PDE1A: variants seen among roughly 807,000 people sequenced by gnomAD.
PDE1A encodes phosphodiesterase 1A.
Under a neutral mutation model 61.7 loss-of-function variants are expected in PDE1A, and 35 were observed. That is an observed-to-expected ratio of 0.57 (90% CI 0.43 to 0.75). The LOEUF (loss-of-function observed/expected upper bound fraction) is 0.75, where lower values mean the gene tolerates loss of function less well. Ranked by LOEUF, PDE1A falls within the 30% of genes least tolerant of loss-of-function variation. The pLI, the probability that PDE1A is intolerant of heterozygous loss-of-function variation, is 0.00. For synonymous variants in PDE1A, 232 were observed against 213.2 expected (o/e 1.09, Z -0.77); for missense variants, 597 against 630.6 (o/e 0.95, Z 0.57).
At chr2:182,257,566 G>A (rs138314306) in intron 2 of PDE1A, among the ~76,000 whole-genome samples, 48 of 152,300 alleles carry the variant, frequency 3.2e-4, no homozygotes, top group African/African-American at 1.0e-3. Context: ...TCTTCACCAT[G>A]AGCACAGCTG....
the PDE1A span, among the ~76,000 whole-genome samples, chr2:182,574,779 C>T: frequency 5.9e-5 from 9 of 152,124 alleles, no homozygotes; most frequent in African/African-American, 1.7e-4. Flanking sequence ...GTAAGCTCTG[C>T]CTCCAGTTTC....
In PDE1A at chr2:182,384,458, A is replaced by AAATAATAATAAT. The variant is rs112896044; in HGVS notation, c.53+42108_53+42119dup. 9.3e-3 allele frequency among the ~76,000 whole-genome samples: 1,319 copies of AAATAATAATAAT among 141,894 alleles called. 11 individuals are homozygous for AAATAATAATAAT. The highest frequency in any genetic ancestry group is 0.038 in the South Asian group (176 of 4,586). 93.1% of individuals were successfully genotyped at this position (141,894 alleles called of 152,430 possible). A position where few individuals can be genotyped will look rare whatever the true frequency, so the allele number is the denominator to read the frequency against. ...CAAAAAGCAAAATTTAATAAAGAGA[A>AAATAATAATAAT]AATAATAATAATAATAATAATAATA... On this transcript the variant is annotated intron_variant, in intron 1 of 13. Transcript: ENST00000351439.
chr2:182,651,768 A>G, the PDE1A span, among the ~76,000 whole-genome samples: 1 of 152,222 alleles, frequency 6.6e-6, no homozygotes, highest in Non-Finnish European at 1.5e-5. Flanking sequence ...GTGCATTAAC[A>G]TACACTGATT....
chr2:182,616,856 G>C, the PDE1A span, among the ~76,000 whole-genome samples: 1 of 152,198 alleles, frequency 6.6e-6, no homozygotes, highest in African/African-American at 2.4e-5. Context: ...CCCTGTGTAA[G>C]CCTAATGTGC....
the PDE1A span, among the ~76,000 whole-genome samples, chr2:182,557,218 C>A: frequency 6.6e-6 from 1 of 151,964 alleles, no homozygotes; most frequent in Non-Finnish European, 1.5e-5. Flanking sequence ...TGCACTCCAG[C>A]CTGGGTGACA....
chr2:182,316,851 T>C (rs1696369275), intron 1 of PDE1A, among the ~76,000 whole-genome samples: 1 of 152,196 alleles, frequency 6.6e-6, no homozygotes. Flanking sequence ...TGGATATGTG[T>C]TGGCTTAGTA....
At chr2:182,197,443 C>T (rs1361159657) in intron 10 of PDE1A, among the ~76,000 whole-genome samples, 1 of 147,772 alleles carries the variant, frequency 6.8e-6, no homozygotes, top group Non-Finnish European at 1.5e-5. Flanking sequence ...ATGGGTAATG[C>T]TTTATGTGTC....
At chr2:182,425,624 T>C (rs1387593703) in intron 1 of PDE1A, among the ~76,000 whole-genome samples, 1 of 152,202 alleles carries the variant, frequency 6.6e-6, no homozygotes, top group East Asian at 1.9e-4. Flanking sequence ...TATATAATTA[T>C]ATTCCTCGAG....
rs183356790 is a variant in PDE1A, at chr2:182,264,475, A to T, written c.54-61T>A. 45 of 1,155,752 alleles carry T rather than the reference A, an allele frequency of 3.9e-5. No homozygotes were observed. In the Middle Eastern group the frequency reaches 1.2e-3, roughly 30 times the overall value. The allele number at this position is 1,155,752 out of a possible 1,614,324, so 71.6% of individuals were successfully genotyped here. A position where few individuals can be genotyped will look rare whatever the true frequency, so the allele number is the denominator to read the frequency against. ...AGGAATTTATTGTAACTATATGGAAAATAGTACAGTATTAAATACACTCAG... is the reference window on the plus strand; with the variant it reads ...AGGAATTTATTGTAACTATATGGAATATAGTACAGTATTAAATACACTCAG... On this transcript the variant is annotated intron_variant, in intron 1 of 13. Coordinates refer to ENST00000351439, the Ensembl canonical transcript of PDE1A.
At chr2:182,371,062 T>C (rs1700103311) in intron 1 of PDE1A, among the ~76,000 whole-genome samples, 1 of 152,180 alleles carries the variant, frequency 6.6e-6, no homozygotes, top group Admixed American at 6.5e-5. Context: ...AGGTATAGGC[T>C]AGGCAGAAAA....
the PDE1A span, among the ~76,000 whole-genome samples, chr2:182,562,012 T>C: frequency 6.6e-6 from 1 of 151,328 alleles, no homozygotes; most frequent in African/African-American, 2.4e-5. Flanking sequence ...ACAGGGACAA[T>C]TTGACTTCCT....
At chr2:182,575,711 CTA>C in the PDE1A span, among the ~76,000 whole-genome samples, 6 of 143,036 alleles carry the variant, frequency 4.2e-5, no homozygotes, top group African/African-American at 1.3e-4. Flanking sequence ...CATTATGTAT[CTA>C]TATATATATA....
chr2:182,640,495 T>C, the PDE1A span, among the ~76,000 whole-genome samples: 1 of 152,124 alleles, frequency 6.6e-6, no homozygotes, highest in Admixed American at 6.5e-5. Context: ...TATTTGAAGC[T>C]GACAAATCAA....
intron 1 of PDE1A, among the ~76,000 whole-genome samples, chr2:182,296,829 A>T (rs756213330): frequency 2.6e-5 from 4 of 152,228 alleles, no homozygotes. Context: ...AGTACACATC[A>T]TCAATCCATT....
chr2:182,610,890 G>A, the PDE1A span, among the ~76,000 whole-genome samples: 1 of 152,144 alleles, frequency 6.6e-6, no homozygotes, highest in Admixed American at 6.5e-5. Context: ...TAAACTTTAA[G>A]AGAATAAAGT....
chr2:182,380,077 G>A (rs1197783002), intron 1 of PDE1A, among the ~76,000 whole-genome samples: 2 of 147,608 alleles, frequency 1.4e-5, no homozygotes, highest in African/African-American at 2.5e-5. Flanking sequence ...CCTCTTAAAC[G>A]CCAAGTCATC....
intron 2 of PDE1A, among the ~76,000 whole-genome samples, chr2:182,260,855 T>A (rs538681949): frequency 2.0e-5 from 3 of 152,234 alleles, no homozygotes; most frequent in Admixed American, 6.5e-5. Context: ...GGGATGAGGA[T>A]GAGAATTGCA....
At chr2:182,180,070 T>A (rs1022938526) in intron 13 of PDE1A, among the ~76,000 whole-genome samples, 16 of 152,248 alleles carry the variant, frequency 1.1e-4, no homozygotes, top group African/African-American at 3.6e-4. Context: ...TAAAGAAACT[T>A]TCATCTTCAG....
the PDE1A span, among the ~76,000 whole-genome samples, chr2:182,602,312 C>A: frequency 6.6e-6 from 1 of 152,208 alleles, no homozygotes; most frequent in Non-Finnish European, 1.5e-5. Context: ...AGCATGAAGC[C>A]CCAGCCATGT....
Sources: gnomAD v4.1 joint callset for allele counts (sites outside exome capture counted in the v4.1 genomes callset) on GRCh38, gnomAD v4.1.1 for gene constraint, MANE v1.5 for transcripts, NCBI Gene and HGNC (gene_info 2026-07-23, HGNC 2026-07-21) for gene names.